Variants in CDH2 observed in about 807,000 individuals in gnomAD.
CDH2 encodes cadherin 2.
Under a neutral mutation model 92.0 loss-of-function variants are expected in CDH2, and 17 were observed. That is an observed-to-expected ratio of 0.18 (90% CI 0.13 to 0.28). CDH2 has a LOEUF of 0.28. Among genes scored for constraint, CDH2 ranks in the 10% least tolerant of loss-of-function variants. CDH2 has a pLI of 1.00. For missense variants in CDH2, 862 were observed against 1,133.1 expected (o/e 0.76, Z 3.44); for synonymous variants, 419 against 415.9 (o/e 1.01, Z -0.09).
Position 27,985,737 on chromosome 18 carries a change from C to G in CDH2, c.1766G>C (p.Gly589Ala), listed in dbSNP as rs770284983. The G allele has an allele frequency of 6.2e-7, 1 of 1,609,846 alleles. No homozygotes were observed. Among genetic ancestry groups the G allele is most frequent in the East Asian group, 2.2e-5 (1 of 44,824 alleles). Reference sequence around the variant, plus strand: ...ATCAAGTAAATAGATCTGCAGCGTTCCTGTTCCACTCATAGGAGGAATTCC... The same window carrying G: ...ATCAAGTAAATAGATCTGCAGCGTTGCTGTTCCACTCATAGGAGGAATTCC... ...DNGIPPMSGTGTLQIYLLDIN... is the reference protein window; with the variant it reads ...DNGIPPMSGTATLQIYLLDIN... The change falls in exon 12 of 16, where the codon GGA becomes GCA. Residue 589 changes from glycine to alanine, a missense_variant. By Grantham distance (60) the Gly-to-Ala change is moderately conservative. Transcript: ENST00000269141.
In CDH2 at chr18:27,984,877, G is replaced by A. The variant is rs930512410; in HGVS notation, c.2209+123C>T. 65 of 697,306 alleles carry A rather than the reference G, an allele frequency of 9.3e-5. 2 individuals carry two copies. The highest frequency in any genetic ancestry group is 6.3e-4 in the South Asian group (34 of 54,036). The allele number at this position is 697,306 out of a possible 1,614,324, so 43.2% of individuals were successfully genotyped here. ...CTTGGTCGACCCATATATGATTGGC[G>A]AGGAAATGCTGAAAGGTCAAAGGGT... On this transcript the variant is annotated intron_variant, in intron 13 of 15. Coordinates refer to ENST00000269141, the MANE Select transcript of CDH2 (RefSeq NM_001792.5).
intron 2 of CDH2, among the ~76,000 whole-genome samples, chr18:28,121,711 A>G (rs566779545): frequency 1.3e-5 from 2 of 152,218 alleles, no homozygotes; most frequent in Admixed American, 1.3e-4. Context: ...CAGACACTGT[A>G]GTCCCATAAA....
chr18:28,009,108 T>A (rs1041752821), intron 5 of CDH2, among the ~76,000 whole-genome samples: 2 of 152,264 alleles, frequency 1.3e-5, no homozygotes, highest in East Asian at 3.9e-4. Flanking sequence ...AAGGCCTTTA[T>A]CAACATCTCT....
rs560230433 is a variant in CDH2, at chr18:28,025,736, G to A, written c.173-11827C>T. ...TAGCCATCACTTTAAATATTTATGAGTTAGGAAGAATGAGTTTCGTGGTTC... is the reference window on the plus strand; with the variant it reads ...TAGCCATCACTTTAAATATTTATGAATTAGGAAGAATGAGTTTCGTGGTTC... On this transcript the variant is annotated intron_variant, in intron 2 of 15. Transcript: ENST00000269141. 1.2e-3 allele frequency among the ~76,000 whole-genome samples: 175 copies of A among 151,796 alleles called. No individual in the cohort carries two copies. The Middle Eastern group carries it at 0.021, about 18-fold the overall frequency.
At chr18:28,043,145 G>T (rs1399682845) in intron 2 of CDH2, among the ~76,000 whole-genome samples, 1 of 152,068 alleles carries the variant, frequency 6.6e-6, no homozygotes, top group Admixed American at 6.6e-5. Context: ...AATGGCCTTT[G>T]CAGCAACTTG....
intron 2 of CDH2, among the ~76,000 whole-genome samples, chr18:28,103,882 T>C (rs1045759294): frequency 1.3e-5 from 2 of 152,148 alleles, no homozygotes; most frequent in African/African-American, 4.8e-5. Context: ...TATATTTATA[T>C]ACACATAAAA....
At chr18:28,137,599 CAA>C (rs1231113355) in intron 2 of CDH2, among the ~76,000 whole-genome samples, 4 of 151,742 alleles carry the variant, frequency 2.6e-5, no homozygotes, top group African/African-American at 9.7e-5. Flanking sequence ...AAAACAAAAA[CAA>C]AAACAAAAAA....
exon 7 of CDH2, among the ~76,000 whole-genome samples, chr18:27,933,060 T>G (rs1305613218): frequency 1.3e-5 from 2 of 152,150 alleles, no homozygotes; most frequent in Non-Finnish European, 2.9e-5. Context: ...GATAGATGCA[T>G]TGCTGAGATC....
chr18:28,157,034 A>C (rs1006514213), intron 1 of CDH2, among the ~76,000 whole-genome samples: 1 of 152,220 alleles, frequency 6.6e-6, no homozygotes, highest in Non-Finnish European at 1.5e-5. Flanking sequence ...GTGGATGCTT[A>C]ATGTAACAGG....
chr18:28,090,128 T>C (rs1440695975), intron 2 of CDH2, among the ~76,000 whole-genome samples: 1 of 152,172 alleles, frequency 6.6e-6, no homozygotes, highest in Non-Finnish European at 1.5e-5. Context: ...ATTTTTAATT[T>C]ATAAACAAAA....
chr18:27,973,115 G>T lies in CDH2; in HGVS notation c.2350-9594C>A, dbSNP rs546604663. ...AAACCCCAGGTCATAGGAACTGTGG[G>T]TTCTTACCCCATCTCAGGCACTTGG... On this transcript the variant is annotated intron_variant, in intron 14 of 15. Transcript: ENST00000269141. 4.6e-5 allele frequency among the ~76,000 whole-genome samples: 7 copies of T among 152,196 alleles called. No individual in the cohort carries two copies. The East Asian group carries it at 1.4e-3, about 29-fold the overall frequency.
Position 27,988,603 on chromosome 18 carries a change from A to G in CDH2, c.1662T>C (p.Thr554=), listed in dbSNP as rs2143964056. The G allele has an allele frequency of 6.2e-7, 1 of 1,608,586 alleles. No individual in the cohort carries two copies. Among genetic ancestry groups the G allele is most frequent in the Non-Finnish European group, 8.5e-7 (1 of 1,175,054 alleles). ...LKIDPVNGQI[T]TIAVLDRESP... ...ATTCTCGGTCCAAAACAGCAATTGT[A>G]GTTATTTGTCCATTCACAGGATCTA... Residue 554 remains threonine (T), a synonymous_variant, in exon 11 of 16, where the codon ACT becomes ACC. Coordinates refer to ENST00000269141, the MANE Select transcript of CDH2 (RefSeq NM_001792.5).
chr18:28,084,761 T>C (rs17494460), intron 2 of CDH2, among the ~76,000 whole-genome samples: 50 of 152,250 alleles, frequency 3.3e-4, no homozygotes, highest in African/African-American at 1.2e-3. Flanking sequence ...CTCATTCAGA[T>C]GCAGGAAGCT....
At chr18:27,962,202 A>G (rs896136017) in intron 15 of CDH2, among the ~76,000 whole-genome samples, 1 of 152,206 alleles carries the variant, frequency 6.6e-6, no homozygotes, top group African/African-American at 2.4e-5. Flanking sequence ...ATTTCTGTGG[A>G]TAAAGGGAGT....
intron 2 of CDH2, among the ~76,000 whole-genome samples, chr18:28,099,971 A>C (rs1408824569): frequency 1.3e-5 from 2 of 152,166 alleles, no homozygotes. Context: ...TATGATATGA[A>C]AACTTAAGTT....
intron 6 of CDH2, among the ~76,000 whole-genome samples, chr18:27,938,553 G>A (rs373821853): frequency 3.3e-5 from 5 of 152,210 alleles, no homozygotes; most frequent in African/African-American, 1.2e-4. Flanking sequence ...TCAATCAAAA[G>A]CATTTTTGAG....
At chr18:28,164,137 A>C (rs954872398) in intron 1 of CDH2, among the ~76,000 whole-genome samples, 4 of 152,234 alleles carry the variant, frequency 2.6e-5, no homozygotes. Context: ...CTTCATATAT[A>C]TATAAAATAC....
rs140697319 is a variant in CDH2 at position 28,115,756 on chromosome 18, T to G, written c.172+31917A>C. Among the ~76,000 whole-genome samples, 159 of 152,114 alleles carry G rather than the reference T, an allele frequency of 1.0e-3. 1 individual carries two copies. The highest frequency in any genetic ancestry group is 1.5e-3 in the Non-Finnish European group (105 of 67,994). ...CATGTCTATGTGAATTTTACGACAC[T>G]TTTTTTTAAGTGACAGAACACGTGG... is the stretch of plus-strand genomic sequence containing the variant. On this transcript the variant is annotated intron_variant, in intron 2 of 15. Transcript: ENST00000269141.
At chr18:27,987,808 C>T (rs1372795940) in intron 11 of CDH2, among the ~76,000 whole-genome samples, 2 of 152,218 alleles carry the variant, frequency 1.3e-5, no homozygotes, top group East Asian at 3.9e-4. Flanking sequence ...TATTTAAAAC[C>T]TCATGGCAAT....
Sources: gnomAD v4.1 joint callset for allele counts (sites outside exome capture counted in the v4.1 genomes callset) on GRCh38, gnomAD v4.1.1 for gene constraint, MANE v1.5 for transcripts, NCBI Gene and HGNC (gene_info 2026-07-23, HGNC 2026-07-21) for gene names.